The following ADGB variants were observed in gnomAD, a reference collection of about 807,000 sequenced individuals.
ADGB encodes calpain-7-like protein.
In ADGB, 172 loss-of-function variants were observed where a neutral mutation model predicts 210.5. The observed-to-expected ratio is 0.82, with a 90% CI of 0.72 to 0.93. The LOEUF (loss-of-function observed/expected upper bound fraction) is 0.93. ADGB is among the 40% of genes least tolerant of loss of function. ADGB has a pLI of 0.00. For synonymous variants in ADGB, 658 were observed against 662.7 expected (o/e 0.99, Z 0.11); for missense variants, 2,025 against 1,964.8 (o/e 1.03, Z -0.58).
In ADGB at chr6:146,728,513, T is replaced by G. The variant is rs1378931686; in HGVS notation, c.2353-61T>G. On this transcript the variant is annotated intron_variant, in intron 19 of 35. Transcript: ENST00000397944. ...TTTCATATTTTAACAGATATTAATT[T>G]GTATAAACTAGATGACACTTAAGGA... 3 of 1,411,014 alleles carry G rather than the reference T, an allele frequency of 2.1e-6. No individual in the cohort carries two copies. In the African/African-American group the frequency reaches 4.3e-5, roughly 20 times the overall value. 87.4% of individuals were successfully genotyped at this position (1,411,014 alleles called of 1,614,324 possible).
intron 26 of ADGB, among the ~76,000 whole-genome samples, chr6:146,749,886 A>AC (rs1486716660): frequency 6.6e-6 from 1 of 151,938 alleles, no homozygotes; most frequent in Non-Finnish European, 1.5e-5. Flanking sequence ...TCTCATGAGA[A>AC]CTCACTCACT....
chr6:146,653,906 C>A (rs1775739214), intron 3 of ADGB, among the ~76,000 whole-genome samples: 1 of 152,004 alleles, frequency 6.6e-6, no homozygotes, highest in African/African-American at 2.4e-5. Flanking sequence ...GAACTGAAAT[C>A]AGGGTGGCCT....
intron 29 of ADGB, among the ~76,000 whole-genome samples, chr6:146,773,810 T>A (rs1163514592): frequency 6.6e-6 from 1 of 152,182 alleles, no homozygotes; most frequent in Non-Finnish European, 1.5e-5. Context: ...GTAGTGGTGA[T>A]ATTGATGGTA....
At position 146,612,675 on chromosome 6, in the gene ADGB, C is replaced by T. The variant is rs915700552; in HGVS notation, c.74+13561C>T. Among the ~76,000 whole-genome samples, 58 of 152,026 alleles carry T rather than the reference C, an allele frequency of 3.8e-4. 1 individual carries two copies. The highest frequency in any genetic ancestry group is 2.7e-3 in the Admixed American group (41 of 15,258). On this transcript the variant is annotated intron_variant, in intron 1 of 35. Transcript: ENST00000397944. ...TTTTTCTTATCCAAATTACTTTATA[C>T]GTAGTGCTGTCAGTAAGCTTTGTCA...
intron 1 of ADGB, among the ~76,000 whole-genome samples, chr6:146,608,985 A>G (rs1479060237): frequency 2.0e-5 from 3 of 152,116 alleles, no homozygotes; most frequent in African/African-American, 7.2e-5. Context: ...GTCTCCCAGT[A>G]TTATTGTGTG....
At chr6:146,711,439 C>G (rs904965666) in intron 13 of ADGB, among the ~76,000 whole-genome samples, 4 of 151,966 alleles carry the variant, frequency 2.6e-5, no homozygotes, top group Admixed American at 2.0e-4. Context: ...CTCCTGGTAC[C>G]TTTAGACTTC....
At chr6:146,773,690 G>A (rs1777686120) in intron 29 of ADGB, among the ~76,000 whole-genome samples, 1 of 152,196 alleles carries the variant, frequency 6.6e-6, no homozygotes, top group Non-Finnish European at 1.5e-5. Flanking sequence ...AAGGAGCAGA[G>A]TGAAGGTTCT....
chr6:146,651,430 T>G (rs745671613), intron 3 of ADGB, among the ~76,000 whole-genome samples: 5 of 152,176 alleles, frequency 3.3e-5, no homozygotes, highest in Non-Finnish European at 7.3e-5. Context: ...GTAACTTTAT[T>G]CAAATGCTAG....
chr6:146,772,998 G>A (rs983574873), intron 29 of ADGB, among the ~76,000 whole-genome samples: 3 of 152,106 alleles, frequency 2.0e-5, no homozygotes, highest in South Asian at 2.1e-4. Context: ...TGGGCATCAC[G>A]TGTGCCTAAA....
chr6:146,732,801 A>AT (rs1777013944), intron 20 of ADGB, among the ~76,000 whole-genome samples: 2 of 152,166 alleles, frequency 1.3e-5, no homozygotes, highest in Admixed American at 1.3e-4. Flanking sequence ...AAAATAAGCT[A>AT]TTTAACTTGC....
intron 33 of ADGB, among the ~76,000 whole-genome samples, chr6:146,799,653 A>G (rs1778096566): frequency 6.6e-6 from 1 of 151,496 alleles, no homozygotes; most frequent in African/African-American, 2.4e-5. Context: ...TTGTTTGCAG[A>G]TAGTGTGATT....
At position 146,721,507 on chromosome 6, in the gene ADGB, T is replaced by C. The variant is rs1246789044; in HGVS notation, c.2095+2T>C. The C allele has an allele frequency of 4.0e-6, 6 of 1,483,246 alleles. No homozygotes were observed. Among genetic ancestry groups the C allele is most frequent in the Non-Finnish European group, 5.4e-6 (6 of 1,107,198 alleles). The allele number at this position is 1,483,246 out of a possible 1,614,324, so 91.9% of individuals were successfully genotyped here. ...TGGTACGCTGGGGGGAGTATGGAGG[T>C]AAGAGGGCTCTGAGAAAATGATAGC... is the stretch of plus-strand genomic sequence containing the variant. On this transcript the variant is annotated splice_donor_variant, in intron 17 of 35. Coordinates refer to ENST00000397944, the MANE Select transcript of ADGB (RefSeq NM_024694.4). LOFTEE classifies it high-confidence loss of function.
intron 33 of ADGB, among the ~76,000 whole-genome samples, chr6:146,798,486 C>A (rs1305978072): frequency 6.6e-6 from 1 of 152,092 alleles, no homozygotes; most frequent in Non-Finnish European, 1.5e-5. Context: ...AGGTGAACAA[C>A]TGAATAATTT....
intron 2 of ADGB, among the ~76,000 whole-genome samples, 199 bp from the exon 3 acceptor site, chr6:146,644,574 A>G (rs985581973): frequency 2.0e-5 from 3 of 151,890 alleles, no homozygotes; most frequent in Admixed American, 2.0e-4. Context: ...ATCCATGAGT[A>G]TATGTTAATT....
chr6:146,706,977 T>A (rs1776582823), intron 13 of ADGB, among the ~76,000 whole-genome samples: 1 of 152,024 alleles, frequency 6.6e-6, no homozygotes, highest in African/African-American at 2.4e-5. Flanking sequence ...ATGTTTTAAA[T>A]TTGAAATTCT....
chr6:146,687,526 C>T (rs1368074139), intron 10 of ADGB, among the ~76,000 whole-genome samples: 2 of 152,076 alleles, frequency 1.3e-5, no homozygotes, highest in African/African-American at 4.8e-5. Context: ...CCATTATCCT[C>T]AGCAAACTAA....
chr6:146,721,642 A>G, intron 17 of ADGB, 137 bp downstream of exon 17: 2 of 574,096 alleles, frequency 3.5e-6, no homozygotes, highest in South Asian at 4.4e-5. Flanking sequence ...GTCCTAGGCC[A>G]GCCTGACCAA....
At chr6:146,675,765 G>A (rs543093030) in intron 8 of ADGB, among the ~76,000 whole-genome samples, 21 of 152,174 alleles carry the variant, frequency 1.4e-4, no homozygotes, top group Non-Finnish European at 2.9e-4. Flanking sequence ...GCATTCAAAT[G>A]GTGGGAATCG....
intron 1 of ADGB, among the ~76,000 whole-genome samples, chr6:146,619,027 G>C (rs1780845672): frequency 6.7e-6 from 1 of 148,504 alleles, no homozygotes; most frequent in African/African-American, 2.5e-5. Flanking sequence ...TTACATATCT[G>C]AGTTCTCCAG....
Sources: gnomAD v4.1 joint callset for allele counts (sites outside exome capture counted in the v4.1 genomes callset) on GRCh38, gnomAD v4.1.1 for gene constraint, MANE v1.5 for transcripts, NCBI Gene and HGNC (gene_info 2026-07-23, HGNC 2026-07-21) for gene names.